GTF2IRD1: variants seen among roughly 807,000 people sequenced by gnomAD.
GTF2IRD1 encodes general transcription factor II-I repeat domain-containing protein 1.
In GTF2IRD1, 26 loss-of-function variants were observed where a neutral mutation model predicts 113.2. The observed-to-expected ratio is 0.23, with a 90% CI of 0.17 to 0.32. GTF2IRD1 has a LOEUF of 0.32. GTF2IRD1 is among the 10% of genes least tolerant of loss of function. The probability of loss-of-function intolerance (pLI) is 1.00; values close to 1 mark genes in which losing one functional copy is unlikely to be tolerated. For synonymous variants in GTF2IRD1, 484 were observed against 529.1 expected, an observed-to-expected ratio of 0.91 and a Z score of 1.17; for missense variants, 864 against 1,280.8, an observed-to-expected ratio of 0.67 and a Z score of 4.97.
intron 25 of GTF2IRD1, 45 bp downstream of exon 25, chr7:74,595,096 A>T: frequency 7.0e-7 from 1 of 1,427,136 alleles, no homozygotes; most frequent in Non-Finnish European, 9.8e-7. Flanking sequence ...CGTGGGGACT[A>T]GAGACTGTTC....
At chr7:74,559,279 G>C (rs1174875703) in intron 21 of GTF2IRD1, among the ~76,000 whole-genome samples, 2 of 152,138 alleles carry the variant, frequency 1.3e-5, no homozygotes, top group Admixed American at 1.3e-4. Context: ...GCCTTTGAGG[G>C]CATCTTCAAC....
chr7:74,464,912 C>T (rs1584453463), intron 1 of GTF2IRD1, among the ~76,000 whole-genome samples: 1 of 152,114 alleles, frequency 6.6e-6, no homozygotes, highest in African/African-American at 2.4e-5. Context: ...GGCCAGCACT[C>T]GGTGGGTAGC....
At chr7:74,496,610 ATGTGGG>A (rs1584522614) in intron 1 of GTF2IRD1, among the ~76,000 whole-genome samples, 2 of 107,656 alleles carry the variant, frequency 1.9e-5, no homozygotes, top group East Asian at 6.6e-4. Flanking sequence ...GTGTGCATGT[ATGTGGG>A]TGTGCGTGTG....
intron 23 of GTF2IRD1, 92 bp downstream of exon 23, chr7:74,590,020 C>A: frequency 1.3e-6 from 1 of 754,532 alleles, no homozygotes; most frequent in Non-Finnish European, 2.3e-6. Flanking sequence ...TTTCAGGAGC[C>A]CCCAGCTGGC....
intron 22 of GTF2IRD1, among the ~76,000 whole-genome samples, chr7:74,589,460 G>A (rs1554368772): frequency 6.6e-6 from 1 of 152,168 alleles, no homozygotes; most frequent in Admixed American, 6.6e-5. Flanking sequence ...CACTTTGGGA[G>A]GCTGAGGCGG....
At chr7:74,471,671 TTAA>T (rs1247730804) in intron 1 of GTF2IRD1, among the ~76,000 whole-genome samples, 3 of 54,088 alleles carry the variant, frequency 5.5e-5, no homozygotes, top group East Asian at 3.1e-4. Context: ...TTTGAAATAT[TTAA>T]AAAAAAAAAA....
At chr7:74,532,959 C>T (rs1798059270) in intron 9 of GTF2IRD1, among the ~76,000 whole-genome samples, 1 of 151,900 alleles carries the variant, frequency 6.6e-6, no homozygotes, top group African/African-American at 2.4e-5. Context: ...AATCAGCTGC[C>T]TGAGGGCCCC....
At chr7:74,594,023 T>C (rs1446209808) in intron 24 of GTF2IRD1, among the ~76,000 whole-genome samples, 1 of 150,498 alleles carries the variant, frequency 6.6e-6, no homozygotes, top group Admixed American at 6.7e-5. Flanking sequence ...CATAGTGAAA[T>C]CCCATCTCTA....
Position 74,536,212 on chromosome 7 carries a change from C to T in GTF2IRD1, c.1346C>T (p.Pro449Leu), listed in dbSNP as rs782532731. ...KDTTKLEPASPPEDTSAEVSR... is the reference protein window; with the variant it reads ...KDTTKLEPASLPEDTSAEVSR... ...ACCACGAAGCTGGAGCCAGCCAGCC[C>T]GCCAGAGGACACCTCTGCAGAGGTC... The change falls in exon 11 of 27, where the codon CCG becomes CTG. Residue 449 changes from proline to leucine, a missense_variant. Physicochemically the swap from Pro to Leu is moderately conservative, Grantham distance 98. Coordinates refer to ENST00000424337, the MANE Select transcript of GTF2IRD1 (RefSeq NM_005685.4). The T allele has an allele frequency of 2.3e-5, 37 of 1,613,630 alleles. No homozygotes were observed. The African/African-American group carries it at 2.5e-4, about 11-fold the overall frequency.
intron 4 of GTF2IRD1, among the ~76,000 whole-genome samples, chr7:74,516,164 T>C (rs1363927364): frequency 2.0e-5 from 3 of 152,206 alleles, no homozygotes; most frequent in Non-Finnish European, 4.4e-5. Flanking sequence ...CTTTTGAGAC[T>C]GCCTTTCCCC....
chr7:74,457,456 G>C (rs554133283), intron 1 of GTF2IRD1, among the ~76,000 whole-genome samples: 2 of 152,112 alleles, frequency 1.3e-5, no homozygotes, highest in African/African-American at 4.8e-5. Context: ...CTTGAGCCTT[G>C]ACCTAAATGG....
intron 1 of GTF2IRD1, chr7:74,506,592 C>G (rs1419269640): frequency 6.6e-6 from 1 of 152,184 alleles, no homozygotes; most frequent in Admixed American, 6.5e-5. Flanking sequence ...GGACTGAGCC[C>G]ATAGAGGGGA....
In GTF2IRD1 at chr7:74,460,614, T is replaced by G. The variant is rs116404254; in HGVS notation, c.-7+6438T>G. ...CTACTGGCCTGGGTGGCATGGAGGG[T>G]GTAGTCTAGGTGGCCTGAGGGGTGC... On this transcript the variant is annotated intron_variant, in intron 1 of 26. Transcript: ENST00000424337. 4.5e-3 allele frequency among the ~76,000 whole-genome samples: 688 copies of G among 151,484 alleles called. 3 individuals are homozygous for G. The highest frequency in any genetic ancestry group is 0.016 in the African/African-American group (652 of 41,312).
At chr7:74,466,400 G>A (rs1793711402) in intron 1 of GTF2IRD1, among the ~76,000 whole-genome samples, 1 of 152,078 alleles carries the variant, frequency 6.6e-6, no homozygotes, top group Non-Finnish European at 1.5e-5. Flanking sequence ...TGTATCTGAT[G>A]GCCTCACTCC....
At chr7:74,529,938 A>C (rs782598939) in intron 9 of GTF2IRD1, 21 bp downstream of exon 9, 2 of 1,582,766 alleles carry the variant, frequency 1.3e-6, no homozygotes, top group Non-Finnish European at 1.7e-6. Context: ...GGCTGGGCGC[A>C]GTGGCTCATG....
chr7:74,585,414 G>A (rs1456653149), intron 22 of GTF2IRD1, among the ~76,000 whole-genome samples: 1 of 152,046 alleles, frequency 6.6e-6, no homozygotes, highest in Non-Finnish European at 1.5e-5. Flanking sequence ...TGCCCGGTCT[G>A]GGCCTCGTCT....
intron 1 of GTF2IRD1, among the ~76,000 whole-genome samples, chr7:74,491,423 C>T (rs1039841452): frequency 6.0e-5 from 9 of 149,898 alleles, no homozygotes; most frequent in African/African-American, 2.2e-4. Flanking sequence ...CTTTTTTCAC[C>T]CAGGTATTAA....
chr7:74,555,285 C>T lies in GTF2IRD1; in HGVS notation c.1966+62C>T. The stretch of plus-strand genomic sequence containing the variant: ...GGCAAGGGAGGGCCCCAGGCCTCTG[C>T]CACCAGCCCCTCCTCCTGCTGCCTC... On this transcript the variant is annotated intron_variant, in intron 18 of 26. Transcript: ENST00000424337. This position sits in a 1 kb window ranked among gnomAD's most constrained non-coding sequence, Gnocchi z 5.3. 6.6e-7 allele frequency: 1 copy of T among 1,518,116 alleles called. No individual in the cohort carries two copies. The allele number at this position is 1,518,116 out of a possible 1,614,324, so 94.0% of individuals were successfully genotyped here.
chr7:74,528,440 C>A (rs782065020), intron 8 of GTF2IRD1, among the ~76,000 whole-genome samples: 1 of 152,110 alleles, frequency 6.6e-6, no homozygotes, highest in Non-Finnish European at 1.5e-5. Context: ...TGGGCTCAAG[C>A]ATTTCCCAAC....
Sources: gnomAD v4.1 joint callset for allele counts (sites outside exome capture counted in the v4.1 genomes callset) on GRCh38, gnomAD v4.1.1 for gene constraint, Gnocchi (gnomAD v3.1) non-coding constraint, MANE v1.5 for transcripts, NCBI Gene and HGNC (gene_info 2026-07-23, HGNC 2026-07-21) for gene names.